Variants in BCL2 observed in about 807,000 individuals in gnomAD.
BCL2 encodes the protein BCL2 apoptosis regulator.
A neutral mutation model predicts 14.2 loss-of-function variants in BCL2; 1 was observed. The observed-to-expected ratio is 0.07, with a 90% CI of 0.02 to 0.33. The LOEUF (loss-of-function observed/expected upper bound fraction) is 0.33. Among genes scored for constraint, BCL2 ranks in the 10% least tolerant of loss-of-function variants. BCL2 has a pLI of 0.99. For synonymous variants in BCL2, 151 were observed against 137.2 expected (o/e 1.10, Z -0.70); for missense variants, 247 against 305.9 (o/e 0.81, Z 1.44).
At chr18:63,178,011 A>G (rs912148333) in intron 2 of BCL2, among the ~76,000 whole-genome samples, 2 of 152,154 alleles carry the variant, frequency 1.3e-5, no homozygotes, top group African/African-American at 4.8e-5. Context: ...CCCTAAGCTC[A>G]CAGTCCCAGT....
At chr18:63,263,370 T>C (rs929666593) in intron 2 of BCL2, among the ~76,000 whole-genome samples, 1 of 152,212 alleles carries the variant, frequency 6.6e-6, no homozygotes, top group African/African-American at 2.4e-5. Flanking sequence ...GCAGTGCTCC[T>C]TGACTACAGA....
At chr18:63,178,526 A>G (rs1915402174) in intron 2 of BCL2, among the ~76,000 whole-genome samples, 2 of 152,104 alleles carry the variant, frequency 1.3e-5, no homozygotes, top group African/African-American at 4.8e-5. Flanking sequence ...GGAAAGTAAA[A>G]CTTCCTGGTT....
intron 2 of BCL2, among the ~76,000 whole-genome samples, chr18:63,223,643 G>T (rs1910465898): frequency 6.6e-6 from 1 of 152,052 alleles, no homozygotes; most frequent in Non-Finnish European, 1.5e-5. Context: ...CCCAGCCTGG[G>T]ACAGGCAGGG....
At chr18:63,310,615 A>T (rs1913284001) in intron 2 of BCL2, among the ~76,000 whole-genome samples, 3 of 152,162 alleles carry the variant, frequency 2.0e-5, no homozygotes, top group Admixed American at 2.0e-4. Flanking sequence ...CTTAACTAAA[A>T]CACCTAGCAT....
chr18:63,285,816 C>A (rs1351956080), intron 2 of BCL2, among the ~76,000 whole-genome samples: 2 of 152,202 alleles, frequency 1.3e-5, no homozygotes, highest in African/African-American at 4.8e-5. Context: ...GTGCATCTCA[C>A]TCAACTTGAT....
At chr18:63,311,577 A>G (rs1385217200) in intron 2 of BCL2, among the ~76,000 whole-genome samples, 1 of 152,224 alleles carries the variant, frequency 6.6e-6, no homozygotes, top group Non-Finnish European at 1.5e-5. Flanking sequence ...GGAGTCAGTC[A>G]TCAGTTTCTG....
chr18:63,168,557 A>G (rs1464115426), intron 2 of BCL2, among the ~76,000 whole-genome samples: 1 of 152,184 alleles, frequency 6.6e-6, no homozygotes, highest in South Asian at 2.1e-4. Flanking sequence ...ATGGAGAGTC[A>G]CAGGAGGCTT....
chr18:63,129,701 T>C (rs1914014538), intron 2 of BCL2, among the ~76,000 whole-genome samples: 1 of 152,244 alleles, frequency 6.6e-6, no homozygotes, highest in Non-Finnish European at 1.5e-5. Flanking sequence ...TGAACCCAGA[T>C]AGAAACCAGC....
intron 2 of BCL2, among the ~76,000 whole-genome samples, chr18:63,142,957 TA>T (rs1914405178): frequency 6.6e-6 from 1 of 152,234 alleles, no homozygotes; most frequent in South Asian, 2.1e-4. Flanking sequence ...CAGACCTCTC[TA>T]TCACAAGGAA....
At chr18:63,317,216 C>T (rs1913525699) in intron 2 of BCL2, 1 of 152,252 alleles carries the variant, frequency 6.6e-6, no homozygotes, top group African/African-American at 2.4e-5. Context: ...TTCTTCTACA[C>T]TTTACATAGA....
At chr18:63,159,703 C>T (rs1195896745) in intron 2 of BCL2, among the ~76,000 whole-genome samples, 3 of 152,094 alleles carry the variant, frequency 2.0e-5, no homozygotes, top group Non-Finnish European at 4.4e-5. Context: ...AAGTCAAAAT[C>T]CAATTGAGTA....
intron 2 of BCL2, among the ~76,000 whole-genome samples, chr18:63,165,561 G>C (rs1247439575): frequency 6.6e-6 from 1 of 152,184 alleles, no homozygotes; most frequent in Admixed American, 6.5e-5. Flanking sequence ...AGGAATCCTG[G>C]AGAGACCTCT....
chr18:63,287,996 A>G (rs1177110950), intron 2 of BCL2, among the ~76,000 whole-genome samples: 1 of 152,198 alleles, frequency 6.6e-6, no homozygotes, highest in East Asian at 1.9e-4. Flanking sequence ...CATTAAGCAG[A>G]CAGAACAGAC....
chr18:63,318,262 C>T lies in BCL2; in HGVS notation c.405G>A (p.Glu135=). 6.2e-7 allele frequency: 1 copy of T among 1,614,218 alleles called. No individual in the cohort carries two copies. Among genetic ancestry groups the T allele is most frequent in the Non-Finnish European group, 8.5e-7 (1 of 1,180,026 alleles). ...AGTTCACCCCGTCCCTGAAGAGCTC[C>T]TCCACCACCGTGGCAAAGCGTCCCC... is the stretch of plus-strand genomic sequence containing the variant. ...TARGRFATVV[E]ELFRDGVNWG... Residue 135 remains glutamate, a synonymous_variant, in exon 2 of 3, where the codon GAG becomes GAA. Coordinates refer to ENST00000333681, the MANE Select transcript of BCL2 (RefSeq NM_000633.3). This position sits in a 1 kb window ranked among gnomAD's most constrained non-coding sequence, Gnocchi z 7.4.
intron 2 of BCL2, among the ~76,000 whole-genome samples, chr18:63,228,712 A>AT (rs35558540): frequency 5.3e-4 from 79 of 147,710 alleles, no homozygotes; most frequent in African/African-American, 1.8e-3. Context: ...GCCAAAAGCA[A>AT]TTTTTTTTTT....
intron 2 of BCL2, among the ~76,000 whole-genome samples, chr18:63,143,069 A>T (rs957143013): frequency 2.0e-5 from 3 of 152,198 alleles, no homozygotes; most frequent in Non-Finnish European, 1.5e-5. Flanking sequence ...TAACATATGG[A>T]CAAGATACGC....
intron 2 of BCL2, among the ~76,000 whole-genome samples, chr18:63,206,091 A>C (rs928083138): frequency 6.6e-6 from 1 of 151,982 alleles, no homozygotes; most frequent in African/African-American, 2.4e-5. Context: ...GTGAAAGTGC[A>C]GGCATTTAAG....
chr18:63,304,327 G>C (rs555372548), intron 2 of BCL2, among the ~76,000 whole-genome samples: 1 of 152,110 alleles, frequency 6.6e-6, no homozygotes, highest in Admixed American at 6.5e-5. Context: ...AATATTTGTT[G>C]ATTGAATGAA....
At position 63,169,367 on chromosome 18, in the gene BCL2, T is replaced by TTCTTTCTTTCTTTCTTTCTTTCTTTC. The variant is rs1568222672; in HGVS notation, c.586-40609_586-40608insGAAAGAAAGAAAGAAAGAAAGAAAGA. Among the ~76,000 whole-genome samples the TTCTTTCTTTCTTTCTTTCTTTCTTTC allele has an allele frequency of 9.2e-5, 3 of 32,494 alleles. 1 individual carries two copies. The highest frequency in any genetic ancestry group is 2.5e-4 in the Non-Finnish European group (3 of 11,948). 21.3% of individuals were successfully genotyped at this position (32,494 alleles called of 152,430 possible). A position where few individuals can be genotyped will look rare whatever the true frequency, so the allele number is the denominator to read the frequency against. ...TTTCTTTCTTTCTTTCTTTCTTTCTTTCTCTTTCTTTCTTTCTTTCTTTTT... is the reference window on the plus strand; with the variant it reads ...TTTCTTTCTTTCTTTCTTTCTTTCTTTCTTTCTTTCTTTCTTTCTTTCTTTCTCTCTTTCTTTCTTTCTTTCTTTTT... On this transcript the variant is annotated intron_variant, in intron 2 of 2. Transcript: ENST00000333681.
Sources: allele counts gnomAD v4.1 joint callset (sites outside exome capture counted in the v4.1 genomes callset), GRCh38; gene constraint gnomAD v4.1.1; non-coding constraint Gnocchi (gnomAD v3.1); transcripts MANE v1.5; gene names NCBI Gene and HGNC (gene_info 2026-07-23, HGNC 2026-07-21).